The following FOXP1 variants were observed in gnomAD, a reference collection of about 807,000 sequenced individuals.
The protein encoded by FOXP1 is forkhead box protein P1.
A neutral mutation model predicts 98.2 loss-of-function variants in FOXP1; 15 were observed. The ratio of observed to expected loss-of-function variants is 0.15; its 90% CI spans 0.10 to 0.24. The LOEUF is 0.24. FOXP1 is among the 10% of genes least tolerant of loss of function. The pLI is 1.00. For missense variants in FOXP1, 633 were observed against 848.5 expected, an observed-to-expected ratio of 0.75 and a Z score of 3.15; for synonymous variants, 371 against 314.5, an observed-to-expected ratio of 1.18 and a Z score of -1.90.
intron 3 of FOXP1, among the ~76,000 whole-genome samples, chr3:71,468,406 C>T (rs2088991867): frequency 6.6e-6 from 1 of 152,156 alleles, no homozygotes; most frequent in African/African-American, 2.4e-5. Flanking sequence ...AGTCGGGCTA[C>T]CTTGAAAGAC....
intron 4 of FOXP1, among the ~76,000 whole-genome samples, chr3:71,312,331 T>C (rs186944974): frequency 6.6e-6 from 1 of 152,334 alleles, no homozygotes; most frequent in East Asian, 1.9e-4. Context: ...TTCTATCATA[T>C]AAGGCAGCAG....
At chr3:71,220,752 C>CAAAATAAAATAAAAT (rs3033235) in intron 5 of FOXP1, among the ~76,000 whole-genome samples, 3,971 of 132,732 alleles carry the variant, frequency 0.03, 131 homozygotes, top group African/African-American at 0.076. Context: ...GACCCTGTCT[C>CAAAATAAAATAAAAT]AAAATAAAAT....
At chr3:71,175,658 G>A (rs1465318885) in intron 6 of FOXP1, among the ~76,000 whole-genome samples, 1 of 152,154 alleles carries the variant, frequency 6.6e-6, no homozygotes, top group African/African-American at 2.4e-5. Context: ...ACGGACTCCG[G>A]GTAATCAGCT....
intron 3 of FOXP1, among the ~76,000 whole-genome samples, chr3:71,414,333 C>A (rs984852256): frequency 1.3e-5 from 2 of 152,300 alleles, no homozygotes; most frequent in South Asian, 4.1e-4. Flanking sequence ...ACACCCAGCT[C>A]GGGGCCCTGC....
intron 7 of FOXP1, among the ~76,000 whole-genome samples, chr3:71,087,376 G>T (rs1289559621): frequency 6.6e-6 from 1 of 152,192 alleles, no homozygotes; most frequent in Non-Finnish European, 1.5e-5. Context: ...CAAAATACCG[G>T]TTTTGTCTGG....
At chr3:71,518,537 G>A (rs1233864985) in intron 2 of FOXP1, among the ~76,000 whole-genome samples, 1 of 152,118 alleles carries the variant, frequency 6.6e-6, no homozygotes, top group African/African-American at 2.4e-5. Flanking sequence ...TGGAGTGTTT[G>A]TGTAAGTGAT....
intron 3 of FOXP1, among the ~76,000 whole-genome samples, chr3:71,374,326 GC>G (rs1277753706): frequency 6.6e-6 from 1 of 152,172 alleles, no homozygotes; most frequent in African/African-American, 2.4e-5. Context: ...ATGCGTGGTG[GC>G]TCATGCCTGT....
chr3:71,240,034 C>T (rs1217656318), intron 5 of FOXP1, among the ~76,000 whole-genome samples: 1 of 152,100 alleles, frequency 6.6e-6, no homozygotes, highest in African/African-American at 2.4e-5. Context: ...TGGGGGGCTT[C>T]GAAAGGAAGT....
chr3:71,068,307 T>G (rs1029018224), intron 7 of FOXP1, among the ~76,000 whole-genome samples: 2 of 152,218 alleles, frequency 1.3e-5, no homozygotes, highest in African/African-American at 4.8e-5. Flanking sequence ...TATATTTGGT[T>G]CTGCTGAGCC....
At chr3:71,463,745 A>C (rs2088401754) in intron 3 of FOXP1, among the ~76,000 whole-genome samples, 4 of 152,226 alleles carry the variant, frequency 2.6e-5, no homozygotes, top group Admixed American at 2.6e-4. Context: ...CCCCAAACAC[A>C]GCACAGTTCA....
intron 10 of FOXP1, among the ~76,000 whole-genome samples, chr3:71,042,613 C>G (rs1023927254): frequency 1.3e-5 from 2 of 152,160 alleles, no homozygotes; most frequent in Non-Finnish European, 2.9e-5. Context: ...TAGAAGTGGA[C>G]GTCTGGATTG....
intron 5 of FOXP1, among the ~76,000 whole-genome samples, chr3:71,248,329 T>G (rs1192274988): frequency 3.3e-5 from 5 of 152,162 alleles, no homozygotes; most frequent in Non-Finnish European, 7.3e-5. Flanking sequence ...TCCTATGTAA[T>G]TAACCAGTTC....
At chr3:71,096,746 T>A (rs1485101089) in intron 7 of FOXP1, among the ~76,000 whole-genome samples, 1 of 152,196 alleles carries the variant, frequency 6.6e-6, no homozygotes, top group Non-Finnish European at 1.5e-5. Context: ...AGATATATTA[T>A]GAAAATATTC....
chr3:70,972,739 A>G (rs891112540), intron 17 of FOXP1, 63 bp from the exon 18 acceptor site: 160 of 1,549,260 alleles, frequency 1.0e-4, no homozygotes, highest in Non-Finnish European at 1.4e-4. Context: ...CAAAAACAGC[A>G]GTAAATTCAG....
At chr3:71,249,538 A>T (rs1214444681) in intron 5 of FOXP1, among the ~76,000 whole-genome samples, 3 of 152,184 alleles carry the variant, frequency 2.0e-5, no homozygotes, top group African/African-American at 7.2e-5. Context: ...TGGCCACACA[A>T]CAGCTAAGCA....
At chr3:71,342,039 G>A (rs1467622625) in intron 4 of FOXP1, among the ~76,000 whole-genome samples, 1 of 112,000 alleles carries the variant, frequency 8.9e-6, no homozygotes, top group African/African-American at 2.8e-5. Context: ...GTTTTTTTCT[G>A]CTACATAACT....
chr3:71,490,196 C>T lies in FOXP1; in HGVS notation c.-168+3230G>A, dbSNP rs1443850428. Among the ~76,000 whole-genome samples the T allele has an allele frequency of 2.0e-5, 3 of 152,202 alleles. No individual in the cohort carries two copies. The East Asian group carries it at 5.8e-4, about 29-fold the overall frequency. Reference sequence around the variant, plus strand: ...GTCCTTTGAGCAAGCCTTGGAAATGCACCTTGAGAAAAAAATGGGGCCAGG... The same window carrying T: ...GTCCTTTGAGCAAGCCTTGGAAATGTACCTTGAGAAAAAAATGGGGCCAGG... On this transcript the variant is annotated intron_variant, in intron 3 of 20. Coordinates refer to ENST00000649528, the MANE Select transcript of FOXP1 (RefSeq NM_001349338.3).
chr3:70,978,095 T>C, intron 14 of FOXP1, 66 bp from the exon 15 acceptor site: 1 of 1,331,344 alleles, frequency 7.5e-7, no homozygotes, highest in Non-Finnish European at 1.1e-6. Context: ...GAACCACATC[T>C]AGCAGGAGTA....
Position 71,127,897 on chromosome 3 carries a change from G to A in FOXP1, c.181-15260C>T, listed in dbSNP as rs9869737. Among the ~76,000 whole-genome samples, 1,080 of 152,248 alleles carry A rather than the reference G, an allele frequency of 7.1e-3. 17 individuals are homozygous for A. Among genetic ancestry groups the A allele is most frequent in the African/African-American group, 0.025 (1,046 of 41,536 alleles). ...ACCCAACTGCCTTTTGGAGAGAGGCGGAAAGGCCACTGCTTCCATCCTTGT... is the reference window on the plus strand; with the variant it reads ...ACCCAACTGCCTTTTGGAGAGAGGCAGAAAGGCCACTGCTTCCATCCTTGT... On this transcript the variant is annotated intron_variant, in intron 6 of 20. Coordinates refer to ENST00000649528, the MANE Select transcript of FOXP1 (RefSeq NM_001349338.3).
Sources: gnomAD v4.1 joint callset for allele counts (sites outside exome capture counted in the v4.1 genomes callset) on GRCh38, gnomAD v4.1.1 for gene constraint, MANE v1.5 for transcripts, NCBI Gene and HGNC (gene_info 2026-07-23, HGNC 2026-07-21) for gene names.